AP3B1: variants seen among roughly 807,000 people sequenced by gnomAD.
AP3B1 encodes AP-3 complex subunit beta-1.
A neutral mutation model predicts 132.5 loss-of-function variants in AP3B1; 61 were observed. The observed-to-expected ratio is 0.46, with a 90% CI of 0.37 to 0.57. The LOEUF (loss-of-function observed/expected upper bound fraction) is 0.57, where lower values mean the gene tolerates loss of function less well. AP3B1 is among the 20% of genes least tolerant of loss of function. The pLI, the probability that AP3B1 is intolerant of heterozygous loss-of-function variation, is 0.00. For missense variants in AP3B1, 1,120 were observed against 1,289.4 expected (o/e 0.87, Z 2.01); for synonymous variants, 388 against 438.3 (o/e 0.89, Z 1.43).
At chr5:78,190,691 T>C (rs983297208) in intron 7 of AP3B1, among the ~76,000 whole-genome samples, 2 of 152,226 alleles carry the variant, frequency 1.3e-5, no homozygotes, top group Non-Finnish European at 2.9e-5. Flanking sequence ...GCAGTAACTA[T>C]ATCATTATAG....
intron 17 of AP3B1, among the ~76,000 whole-genome samples, chr5:78,121,094 C>T (rs1231227193): frequency 6.6e-6 from 1 of 152,158 alleles, no homozygotes; most frequent in Non-Finnish European, 1.5e-5. Flanking sequence ...TGAATGACTA[C>T]TGGGTACATA....
intron 15 of AP3B1, among the ~76,000 whole-genome samples, chr5:78,136,536 G>T (rs1752917842): frequency 6.6e-6 from 1 of 152,062 alleles, no homozygotes; most frequent in South Asian, 2.1e-4. Context: ...TGTGTTATGC[G>T]CCATATTCAT....
chr5:78,141,068 C>A (rs1485165279), intron 15 of AP3B1, 75 bp downstream of exon 15: 10 of 1,387,328 alleles, frequency 7.2e-6, no homozygotes, highest in Non-Finnish European at 9.2e-6. Context: ...CTAATGAAGG[C>A]ACAGACCCCC....
chr5:78,184,552 G>GT (rs34034903), intron 7 of AP3B1, among the ~76,000 whole-genome samples: 6,146 of 148,992 alleles, frequency 0.041, 190 homozygotes, highest in East Asian at 0.13. Flanking sequence ...GCCAGGCATG[G>GT]TGGTGGGTGC....
intron 23 of AP3B1, among the ~76,000 whole-genome samples, chr5:78,037,107 C>A (rs901728663): frequency 2.0e-5 from 3 of 152,102 alleles, no homozygotes; most frequent in Non-Finnish European, 4.4e-5. Flanking sequence ...TATTTTATTT[C>A]TCTGTTAAAG....
chr5:78,110,748 A>G (rs554465997), intron 19 of AP3B1, among the ~76,000 whole-genome samples: 1 of 151,124 alleles, frequency 6.6e-6, no homozygotes. Context: ...ATATATACGT[A>G]TATACATATA....
intron 21 of AP3B1, among the ~76,000 whole-genome samples, chr5:78,096,382 C>G (rs980094387): frequency 6.6e-6 from 1 of 152,118 alleles, no homozygotes; most frequent in African/African-American, 2.4e-5. Context: ...TCCCAGCCAC[C>G]TGCCTTGGCC....
intron 1 of AP3B1, among the ~76,000 whole-genome samples, chr5:78,278,353 T>TA (rs1165973650): frequency 1.5e-4 from 21 of 141,368 alleles, no homozygotes; most frequent in South Asian, 4.6e-4. Context: ...GGGGACTAAT[T>TA]CTTTGGGAGG....
chr5:78,128,199 A>C (rs754348357), intron 16 of AP3B1, 39 bp from the exon 17 acceptor site: 2 of 1,498,270 alleles, frequency 1.3e-6, no homozygotes, highest in Admixed American at 1.8e-5. Flanking sequence ...AAACAATATG[A>C]GCTGTATATA....
At chr5:78,257,337 TCAA>T (rs1473195622) in intron 2 of AP3B1, among the ~76,000 whole-genome samples, 1 of 152,086 alleles carries the variant, frequency 6.6e-6, no homozygotes, top group African/African-American at 2.4e-5. Flanking sequence ...GGATACAAAA[TCAA>T]CATACCAAAA....
chr5:78,154,268 T>A (rs1431454336), intron 14 of AP3B1, among the ~76,000 whole-genome samples: 1 of 152,200 alleles, frequency 6.6e-6, no homozygotes, highest in Non-Finnish European at 1.5e-5. Flanking sequence ...GCACTTTATG[T>A]CATGCCACTC....
At chr5:78,217,802 A>T (rs1366192548) in intron 6 of AP3B1, among the ~76,000 whole-genome samples, 1 of 152,090 alleles carries the variant, frequency 6.6e-6, no homozygotes, top group African/African-American at 2.4e-5. Context: ...AAAATAAAGG[A>T]TAGTATCTAG....
In AP3B1 at chr5:78,110,371, A is replaced by G; in HGVS notation, c.2250-17T>C. On this transcript the variant is annotated splice_polypyrimidine_tract_variant and intron_variant, in intron 19 of 26. Transcript: ENST00000255194. ...TCAGAATCACTACACATAATAGTAA[A>G]TTTTGAAATATGAACTTTAACTCCT... 1 of 1,587,536 alleles carries G rather than the reference A, an allele frequency of 6.3e-7. No homozygotes were observed. The highest frequency in any genetic ancestry group is 8.6e-7 in the Non-Finnish European group (1 of 1,161,026).
chr5:78,137,603 A>G (rs1752973974), intron 15 of AP3B1, among the ~76,000 whole-genome samples: 1 of 152,164 alleles, frequency 6.6e-6, no homozygotes, highest in Non-Finnish European at 1.5e-5. Flanking sequence ...TCCTTCTTCT[A>G]AGTATGAATT....
intron 15 of AP3B1, 96 bp from the exon 16 acceptor site, chr5:78,129,403 G>C: frequency 9.4e-7 from 1 of 1,064,868 alleles, no homozygotes; most frequent in Non-Finnish European, 1.4e-6. Flanking sequence ...AAAATGAATG[G>C]TTATGTCAAA....
At chr5:78,147,718 C>T (rs76002430) in intron 14 of AP3B1, among the ~76,000 whole-genome samples, 4,755 of 152,158 alleles carry the variant, frequency 0.031, 254 homozygotes, top group African/African-American at 0.11. Context: ...ACTTATTTGG[C>T]TTATAGTCCA....
intron 2 of AP3B1, among the ~76,000 whole-genome samples, chr5:78,265,300 G>A: frequency 6.6e-6 from 1 of 151,860 alleles, no homozygotes; most frequent in East Asian, 1.9e-4. Context: ...AAAATTAGCT[G>A]GGCATAGTGG....
chr5:78,119,648 C>T (rs1311413293), intron 17 of AP3B1, among the ~76,000 whole-genome samples: 4 of 151,974 alleles, frequency 2.6e-5, no homozygotes, highest in African/African-American at 4.8e-5. Flanking sequence ...GAAAAAAGAA[C>T]AAAAAGAAAC....
chr5:78,062,198 G>C (rs1357291955), intron 22 of AP3B1, among the ~76,000 whole-genome samples: 5 of 152,180 alleles, frequency 3.3e-5, no homozygotes, highest in African/African-American at 9.7e-5. Flanking sequence ...GTCATGGTGT[G>C]GACAGGGTAG....
Sources: allele counts gnomAD v4.1 joint callset (sites outside exome capture counted in the v4.1 genomes callset), GRCh38; gene constraint gnomAD v4.1.1; transcripts MANE v1.5; gene names NCBI Gene and HGNC (gene_info 2026-07-23, HGNC 2026-07-21).